Variants in ITPR2 observed in about 807,000 individuals in gnomAD.
ITPR2 encodes the protein inositol 1,4,5-trisphosphate receptor type 2.
Under a neutral mutation model 317.1 loss-of-function variants are expected in ITPR2, and 207 were observed. The observed-to-expected ratio is 0.65, with a 90% CI of 0.58 to 0.73. ITPR2 has a LOEUF of 0.73. Ranked by LOEUF, ITPR2 falls within the 30% of genes least tolerant of loss-of-function variation. ITPR2 has a pLI of 0.00. For missense variants in ITPR2, 2,613 were observed against 3,284.0 expected (o/e 0.80, Z 4.99); for synonymous variants, 1,156 against 1,149.1 (o/e 1.01, Z -0.12).
At chr12:26,450,920 C>T (rs1941723808) in intron 45 of ITPR2, among the ~76,000 whole-genome samples, 1 of 152,032 alleles carries the variant, frequency 6.6e-6, no homozygotes, top group Non-Finnish European at 1.5e-5. Context: ...CCCTTATACC[C>T]CACCAAATAG....
Position 26,339,067 on chromosome 12 carries a change from G to C in ITPR2, c.*330C>G, listed in dbSNP as rs933562739. 3.9e-5 allele frequency: 8 copies of C among 204,336 alleles called. No homozygotes were observed. In the East Asian group the frequency reaches 6.0e-4, roughly 15 times the overall value. 12.7% of individuals were successfully genotyped at this position (204,336 alleles called of 1,614,324 possible). A position where few individuals can be genotyped will look rare whatever the true frequency, so the allele number is the denominator to read the frequency against. On this transcript the variant is annotated 3_prime_UTR_variant, in exon 57 of 57. Transcript: ENST00000381340. ...ATTTAAGACAAAACTGACTCCTATCGATTTAGCAGAAGAGAGTTCTCCCTG... is the reference window on the plus strand; with the variant it reads ...ATTTAAGACAAAACTGACTCCTATCCATTTAGCAGAAGAGAGTTCTCCCTG...
intron 37 of ITPR2, among the ~76,000 whole-genome samples, chr12:26,501,406 T>C (rs778462079): frequency 6.6e-6 from 1 of 152,224 alleles, no homozygotes; most frequent in Non-Finnish European, 1.5e-5. Flanking sequence ...AGATAACTCC[T>C]TCGGGAGAAT....
intron 21 of ITPR2, among the ~76,000 whole-genome samples, chr12:26,652,029 T>C (rs1046295127): frequency 6.6e-6 from 1 of 152,236 alleles, no homozygotes; most frequent in Non-Finnish European, 1.5e-5. Flanking sequence ...TCCTTTTAAG[T>C]TGGTGCTCTT....
chr12:26,674,074 T>A (rs2136945088), intron 13 of ITPR2, among the ~76,000 whole-genome samples: 1 of 140,426 alleles, frequency 7.1e-6, no homozygotes, highest in East Asian at 2.2e-4. Context: ...GAACATTCCA[T>A]GCTCATGGGT....
chr12:26,377,751 T>C (rs1939387086), intron 55 of ITPR2, among the ~76,000 whole-genome samples: 1 of 152,254 alleles, frequency 6.6e-6, no homozygotes, highest in Non-Finnish European at 1.5e-5. Context: ...CTGGGATGAC[T>C]AACATTTTTC....
At chr12:26,473,928 C>T (rs1019434947) in intron 45 of ITPR2, among the ~76,000 whole-genome samples, 10 of 152,178 alleles carry the variant, frequency 6.6e-5, no homozygotes, top group Admixed American at 5.2e-4. Context: ...AAGTCATCTG[C>T]CCTTACCTCT....
At chr12:26,688,759 A>T (rs1012681968) in intron 10 of ITPR2, among the ~76,000 whole-genome samples, 2 of 152,130 alleles carry the variant, frequency 1.3e-5, no homozygotes, top group Admixed American at 1.3e-4. Flanking sequence ...ATAAAAACTC[A>T]TGGCTAAGAC....
intron 8 of ITPR2, among the ~76,000 whole-genome samples, chr12:26,714,817 A>G (rs1278942123): frequency 2.0e-5 from 3 of 152,208 alleles, no homozygotes; most frequent in Non-Finnish European, 2.9e-5. Flanking sequence ...AAAAAGATGA[A>G]TGAATTCTTA....
chr12:26,552,393 T>G (rs974693533), intron 36 of ITPR2, among the ~76,000 whole-genome samples: 4 of 152,178 alleles, frequency 2.6e-5, no homozygotes, highest in Non-Finnish European at 5.9e-5. Flanking sequence ...TCTTGCTTTG[T>G]GGCCCAGGCT....
At chr12:26,626,317 C>T (rs976586836) in intron 23 of ITPR2, among the ~76,000 whole-genome samples, 2 of 152,020 alleles carry the variant, frequency 1.3e-5, no homozygotes, top group African/African-American at 4.8e-5. Context: ...ATCTCCAAAG[C>T]GTAAAAAGAA....
intron 45 of ITPR2, among the ~76,000 whole-genome samples, chr12:26,472,943 G>A (rs977060785): frequency 1.3e-5 from 2 of 152,116 alleles, no homozygotes; most frequent in African/African-American, 4.8e-5. Flanking sequence ...ATGGAGTGCA[G>A]TGGAGTGATC....
chr12:26,686,455 C>A, intron 11 of ITPR2, 26 bp downstream of exon 11: 2 of 1,488,614 alleles, frequency 1.3e-6, no homozygotes, highest in South Asian at 1.4e-5. Flanking sequence ...TTCAAAGAAA[C>A]ATCTTTTAAC....
At chr12:26,725,948 G>A in intron 2 of ITPR2, 183 bp from the exon 3 acceptor site, 1 of 474,902 alleles carries the variant, frequency 2.1e-6, no homozygotes, top group East Asian at 3.3e-5. Context: ...TAATTATCTA[G>A]ACTCAGTTAA....
chr12:26,753,870 CTT>C (rs985138226), intron 2 of ITPR2, among the ~76,000 whole-genome samples: 1 of 152,158 alleles, frequency 6.6e-6, no homozygotes, highest in Non-Finnish European at 1.5e-5. Context: ...AGGTTTCCCT[CTT>C]GTCTTGTATG....
intron 26 of ITPR2, among the ~76,000 whole-genome samples, chr12:26,609,155 C>T (rs1946206172): frequency 6.6e-6 from 1 of 152,118 alleles, no homozygotes; most frequent in African/African-American, 2.4e-5. Context: ...TCACTTGTTC[C>T]CCAAGAAATC....
rs182433566 is a variant in ITPR2 at position 26,504,107 on chromosome 12, T to A, written c.5074-8847A>T. Among the ~76,000 whole-genome samples the A allele has an allele frequency of 1.2e-3, 189 of 152,368 alleles. 1 individual carries two copies. Among genetic ancestry groups the A allele is most frequent in the African/African-American group, 4.4e-3 (183 of 41,578 alleles). On this transcript the variant is annotated intron_variant, in intron 37 of 56. Transcript: ENST00000381340. ...GTACAAAGCAGAATTCTTCAGAAGA[T>A]AATTTAGACAGCCTTTCCTTGAAGT...
chr12:26,751,780 C>T (rs559859206), intron 2 of ITPR2, among the ~76,000 whole-genome samples: 86 of 151,806 alleles, frequency 5.7e-4, no homozygotes, highest in East Asian at 1.9e-4. Flanking sequence ...GCAGGAGAAT[C>T]GCTTGAACCT....
chr12:26,655,822 A>AT lies in ITPR2; in HGVS notation c.2474dup (p.Asn825LysfsTer2). ...TCAGGGCAAATTTCCTCTTCATATCATTTCTGGAAGAGTCTGTTATAGAAT... is the reference window on the plus strand; with the variant it reads ...TCAGGGCAAATTTCCTCTTCATATCATTTTCTGGAAGAGTCTGTTATAGAAT... On this transcript the variant is annotated frameshift_variant, in exon 20 of 57. Coordinates refer to ENST00000381340, the MANE Select transcript of ITPR2 (RefSeq NM_002223.4). LOFTEE classifies it high-confidence loss of function. 6.2e-7 allele frequency: 1 copy of AT among 1,612,008 alleles called. No homozygotes were observed. The highest frequency in any genetic ancestry group is 8.5e-7 in the Non-Finnish European group (1 of 1,178,914).
At chr12:26,527,347 T>C (rs1259985604) in intron 37 of ITPR2, among the ~76,000 whole-genome samples, 1 of 152,162 alleles carries the variant, frequency 6.6e-6, no homozygotes, top group Non-Finnish European at 1.5e-5. Context: ...TTGAGAAATG[T>C]TTGCTGTTGT....
Sources: allele counts gnomAD v4.1 joint callset (sites outside exome capture counted in the v4.1 genomes callset), GRCh38; gene constraint gnomAD v4.1.1; transcripts MANE v1.5; gene names NCBI Gene and HGNC (gene_info 2026-07-23, HGNC 2026-07-21).